The following RTN3 variants were observed in gnomAD, a reference collection of about 807,000 sequenced individuals.
RTN3 encodes the protein reticulon 3.
A neutral mutation model predicts 77.8 loss-of-function variants in RTN3; 49 were observed. That is an observed-to-expected ratio of 0.63 (90% CI 0.50 to 0.80). RTN3 has a LOEUF of 0.80. Among genes scored for constraint, RTN3 ranks in the 30% least tolerant of loss-of-function variants. The pLI, the probability that RTN3 is intolerant of heterozygous loss-of-function variation, is 0.00. For missense variants in RTN3, 1,236 were observed against 1,211.9 expected (o/e 1.02, Z -0.29); for synonymous variants, 464 against 446.9 (o/e 1.04, Z -0.48).
At chr11:63,699,222 A>G (rs937463056) in intron 1 of RTN3, among the ~76,000 whole-genome samples, 2 of 151,860 alleles carry the variant, frequency 1.3e-5, no homozygotes, top group Non-Finnish European at 2.9e-5. Context: ...AATCACTTGA[A>G]CCTGGGAGGC....
chr11:63,682,214 A>G (rs1431105311), intron 1 of RTN3, among the ~76,000 whole-genome samples: 1 of 152,236 alleles, frequency 6.6e-6, no homozygotes, highest in Non-Finnish European at 1.5e-5. Flanking sequence ...GTTGCATTGC[A>G]GGTTTGCAGA....
At chr11:63,721,079 A>T in intron 3 of RTN3, 47 bp downstream of exon 3, 1 of 1,486,020 alleles carries the variant, frequency 6.7e-7, no homozygotes, top group East Asian at 2.3e-5. Flanking sequence ...TCTGTGATTG[A>T]TTACTTATCA....
At chr11:63,702,761 C>G (rs1336967562) in intron 1 of RTN3, among the ~76,000 whole-genome samples, 2 of 151,730 alleles carry the variant, frequency 1.3e-5, no homozygotes, top group Non-Finnish European at 2.9e-5. Context: ...TCTCGGCTCA[C>G]TGCAAACTCC....
At position 63,688,223 on chromosome 11, in the gene RTN3, CT is replaced by C. The variant is rs34253380; in HGVS notation, c.142+6463del. Reference sequence around the variant, plus strand: ...CTCCAAGAATAAGAAGTGTGTTTTGCTTTTTTTTTTTTTTTTTTGAGACGGA... The same window carrying C: ...CTCCAAGAATAAGAAGTGTGTTTTGCTTTTTTTTTTTTTTTTTGAGACGGA... On this transcript the variant is annotated intron_variant, in intron 1 of 8. Transcript: ENST00000377819. 4.1e-3 allele frequency among the ~76,000 whole-genome samples: 531 copies of C among 130,238 alleles called. 4 individuals carry two copies. Among genetic ancestry groups the C allele is most frequent in the East Asian group, 0.03 (136 of 4,572 alleles). 85.4% of individuals were successfully genotyped at this position (130,238 alleles called of 152,430 possible).
chr11:63,748,511 GGTATTTTTT>G, intron 3 of RTN3, among the ~76,000 whole-genome samples: 1 of 151,534 alleles, frequency 6.6e-6, no homozygotes, highest in African/African-American at 2.4e-5. Flanking sequence ...ACCATGCCCA[GGTATTTTTT>G]GTATTTTTAG....
intron 1 of RTN3, among the ~76,000 whole-genome samples, chr11:63,695,334 GGTCT>G (rs1269000987): frequency 2.0e-5 from 3 of 150,490 alleles, no homozygotes; most frequent in Non-Finnish European, 4.4e-5. Flanking sequence ...TCAACTAGTT[GGTCT>G]GTTTTTATAG....
intron 2 of RTN3, among the ~76,000 whole-genome samples, chr11:63,715,530 C>T (rs1001831923): frequency 3.3e-5 from 5 of 152,028 alleles, no homozygotes; most frequent in African/African-American, 4.8e-5. Flanking sequence ...CGGTGGTGCA[C>T]GCCTGTAATC....
intron 3 of RTN3, among the ~76,000 whole-genome samples, chr11:63,738,816 TC>T (rs1204322855): frequency 1.3e-5 from 2 of 152,082 alleles, no homozygotes; most frequent in Non-Finnish European, 2.9e-5. Flanking sequence ...ACAAGAGCTT[TC>T]CCCAAATTCG....
rs1396491379 is a variant in RTN3 at position 63,720,808 on chromosome 11, C to T, written c.2306C>T (p.Pro769Leu). ...TCTGCACAGCGTGACGCAGAATTGC[C>T]TTCTGAAGAAGTACTGAAGCAAACT... Reference protein sequence around the residue: ...STSAQRDAELPSEEVLKQTFT... With the variant: ...STSAQRDAELLSEEVLKQTFT... Residue 769 changes from proline (P) to leucine (L), a missense_variant, in exon 3 of 9, where the codon CCT becomes CTT. Pro to Leu is a moderately conservative substitution (Grantham distance 98). Coordinates refer to ENST00000377819, the MANE Select transcript of RTN3 (RefSeq NM_001265589.2). The T allele has an allele frequency of 6.2e-7, 1 of 1,613,870 alleles. No homozygotes were observed. The highest frequency in any genetic ancestry group is 8.5e-7 in the Non-Finnish European group (1 of 1,179,998).
At chr11:63,754,723 T>G in intron 7 of RTN3, among the ~76,000 whole-genome samples, 1 of 127,872 alleles carries the variant, frequency 7.8e-6, no homozygotes, top group Non-Finnish European at 1.6e-5. Context: ...AAAAAACGCT[T>G]AGATGGGAGA....
Position 63,718,716 on chromosome 11 carries a change from C to A in RTN3, c.214C>A (p.Leu72Ile). The A allele has an allele frequency of 6.3e-7, 1 of 1,587,618 alleles. No individual in the cohort carries two copies. Among genetic ancestry groups the A allele is most frequent in the Non-Finnish European group, 8.5e-7 (1 of 1,171,558 alleles). The part of the protein sequence containing the change: ...FSTSQEGLSS[L>I]CSDEPSSEIM... Reference sequence around the variant, plus strand: ...TCTGATCATAGAGGGATTGAGCTCTCTTTGCTCTGATGAGCCATCTTCAGA... The same window carrying A: ...TCTGATCATAGAGGGATTGAGCTCTATTTGCTCTGATGAGCCATCTTCAGA... The change falls in exon 3 of 9, where the codon CTT (leucine) becomes ATT (isoleucine). Residue 72 changes from leucine to isoleucine, a missense_variant. Physicochemically the swap from Leu to Ile is conservative, Grantham distance 5. Transcript: ENST00000377819.
rs369647245 is a variant in RTN3 at position 63,700,982 on chromosome 11, C to T, written c.143-3869C>T. Among the ~76,000 whole-genome samples, 108 of 149,864 alleles carry T rather than the reference C, an allele frequency of 7.2e-4. 2 individuals are homozygous for T. The South Asian group carries it at 0.021, about 29-fold the overall frequency. On this transcript the variant is annotated intron_variant, in intron 1 of 8. Coordinates refer to ENST00000377819, the MANE Select transcript of RTN3 (RefSeq NM_001265589.2). ...GTGCGCGCCTGTAGTCCCAGCTACT[C>T]GGGAGGCTGAGGCAGGAGAATCGCA...
intron 8 of RTN3, among the ~76,000 whole-genome samples, chr11:63,757,290 T>C (rs2014424690): frequency 6.6e-6 from 1 of 152,214 alleles, no homozygotes; most frequent in Non-Finnish European, 1.5e-5. Context: ...TTTTCTTCTT[T>C]TTACTTTTTT....
At position 63,729,380 on chromosome 11, in the gene RTN3, G is replaced by C. The variant is rs142171407; in HGVS notation, c.2530+8348G>C. The stretch of plus-strand genomic sequence containing the variant: ...AGAGGTTATGATGTTTATTTCTTAG[G>C]ACAATTATAACAGAAAAAAACGAGT... On this transcript the variant is annotated intron_variant, in intron 3 of 8. Coordinates refer to ENST00000377819, the MANE Select transcript of RTN3 (RefSeq NM_001265589.2). Among the ~76,000 whole-genome samples, 346 of 149,278 alleles carry C rather than the reference G, an allele frequency of 2.3e-3. 4 individuals are homozygous for C. The highest frequency in any genetic ancestry group is 8.0e-3 in the African/African-American group (323 of 40,490).
chr11:63,730,741 C>T (rs1036285140), intron 3 of RTN3, among the ~76,000 whole-genome samples: 2 of 152,128 alleles, frequency 1.3e-5, no homozygotes, highest in African/African-American at 4.8e-5. Context: ...ATTGCTTGAG[C>T]CCAGGAGGTG....
At position 63,719,600 on chromosome 11, in the gene RTN3, C is replaced by T; in HGVS notation, c.1098C>T (p.Asp366=). 1.2e-6 allele frequency: 2 copies of T among 1,614,002 alleles called. No individual in the cohort carries two copies. The highest frequency in any genetic ancestry group is 3.3e-5 in the Admixed American group (2 of 60,000). ...GCATCACAAAAACTACAGGACTTGA[C>T]ATGAGTGAATATAATTCAGAAATTC... is the stretch of plus-strand genomic sequence containing the variant. ...SDCITKTTGL[D]MSEYNSEIPV... The change falls in exon 3 of 9, where the codon GAC becomes GAT. Residue 366 remains aspartate, a synonymous_variant. Transcript: ENST00000377819.
chr11:63,708,470 G>C (rs909900350), intron 2 of RTN3, among the ~76,000 whole-genome samples: 7 of 152,012 alleles, frequency 4.6e-5, no homozygotes, highest in Admixed American at 2.6e-4. Flanking sequence ...GGCCTAAATA[G>C]GACATGTTAA....
chr11:63,717,375 CTTTTT>C (rs1187530525), intron 2 of RTN3, among the ~76,000 whole-genome samples: 19 of 75,162 alleles, frequency 2.5e-4, no homozygotes, highest in South Asian at 1.1e-3. Flanking sequence ...TTAACTCTGT[CTTTTT>C]TTTTTTTTTT....
chr11:63,684,524 C>T (rs1163765348), intron 1 of RTN3, among the ~76,000 whole-genome samples: 1 of 151,758 alleles, frequency 6.6e-6, no homozygotes, highest in African/African-American at 2.4e-5. Flanking sequence ...AACTCCTGGC[C>T]TCATGTGATC....
Sources: allele counts gnomAD v4.1 joint callset (sites outside exome capture counted in the v4.1 genomes callset), GRCh38; gene constraint gnomAD v4.1.1; transcripts MANE v1.5; gene names NCBI Gene and HGNC (gene_info 2026-07-23, HGNC 2026-07-21).